PCDHA4: variants seen among roughly 807,000 people sequenced by gnomAD.
The protein encoded by PCDHA4 is protocadherin alpha-4.
A neutral mutation model predicts 61.4 loss-of-function variants in PCDHA4; 49 were observed. The ratio of observed to expected loss-of-function variants is 0.80; its 90% CI spans 0.63 to 1.01. The LOEUF (loss-of-function observed/expected upper bound fraction) is 1.01. Ranked by LOEUF, PCDHA4 falls within the 50% of genes least tolerant of loss-of-function variation. The pLI is 0.00. For synonymous variants in PCDHA4, 590 were observed against 550.3 expected, an observed-to-expected ratio of 1.07 and a Z score of -1.01; for missense variants, 1,254 against 1,235.8, an observed-to-expected ratio of 1.01 and a Z score of -0.22.
At chr5:140,847,029 A>T (rs1780820329) in intron 1 of PCDHA4, among the ~76,000 whole-genome samples, 1 of 149,824 alleles carries the variant, frequency 6.7e-6, no homozygotes, top group African/African-American at 2.4e-5. Context: ...TTGGAAAGAG[A>T]AAACATAAGG....
intron 1 of PCDHA4, chr5:140,870,875 C>A (rs1235290760): frequency 6.2e-7 from 1 of 1,613,912 alleles, no homozygotes; most frequent in Non-Finnish European, 8.5e-7. Flanking sequence ...CACGTGGTGG[C>A]GAAGGTGCGC....
chr5:140,910,257 A>G (rs1428252762), intron 1 of PCDHA4, among the ~76,000 whole-genome samples: 1 of 152,202 alleles, frequency 6.6e-6, no homozygotes, highest in East Asian at 1.9e-4. Flanking sequence ...TAGGCTTCCT[A>G]TCATTTTCAC....
intron 1 of PCDHA4, chr5:140,968,679 A>T: frequency 6.2e-7 from 1 of 1,614,176 alleles, no homozygotes; most frequent in South Asian, 1.1e-5. Flanking sequence ...GTAGAGCTGC[A>T]CACAGGAGAA....
At chr5:140,905,950 T>C (rs2072233262) in intron 1 of PCDHA4, among the ~76,000 whole-genome samples, 1 of 152,206 alleles carries the variant, frequency 6.6e-6, no homozygotes, top group Non-Finnish European at 1.5e-5. Flanking sequence ...TGGAATCCGA[T>C]GTTCAAGGGG....
chr5:140,856,327 G>C, intron 1 of PCDHA4: 1 of 1,598,708 alleles, frequency 6.3e-7, no homozygotes, highest in Non-Finnish European at 8.6e-7. Flanking sequence ...ACCGCGAGGA[G>C]CTGTGCGGGC....
intron 3 of PCDHA4, among the ~76,000 whole-genome samples, chr5:141,005,701 CAAAA>C (rs59860837): frequency 2.6e-4 from 2 of 7,790 alleles, no homozygotes; most frequent in African/African-American, 4.7e-4. Flanking sequence ...AACTCCGTCT[CAAAA>C]AAAAAAAAAA....
chr5:140,998,987 G>A (rs1381033392), intron 3 of PCDHA4, among the ~76,000 whole-genome samples: 1 of 152,234 alleles, frequency 6.6e-6, no homozygotes. Context: ...ATAGTAGAAA[G>A]CAGAATGCTG....
chr5:140,860,639 G>A (rs2046488038), intron 1 of PCDHA4: 1 of 152,224 alleles, frequency 6.6e-6, no homozygotes, highest in Non-Finnish European at 1.5e-5. Flanking sequence ...AATCAGGAAC[G>A]AAGAAGATAA....
intron 1 of PCDHA4, among the ~76,000 whole-genome samples, chr5:140,899,690 C>T (rs1340913543): frequency 6.6e-6 from 1 of 152,156 alleles, no homozygotes; most frequent in Non-Finnish European, 1.5e-5. Flanking sequence ...TGATGCTGGC[C>T]TCATAAAATG....
chr5:140,906,238 C>T (rs1309828775), intron 1 of PCDHA4, among the ~76,000 whole-genome samples: 2 of 152,186 alleles, frequency 1.3e-5, no homozygotes, highest in Non-Finnish European at 2.9e-5. Flanking sequence ...CCCTTGTCAA[C>T]TTGAACCCAT....
intron 1 of PCDHA4, among the ~76,000 whole-genome samples, chr5:140,948,814 A>G (rs1284322137): frequency 1.3e-5 from 2 of 151,134 alleles, no homozygotes; most frequent in African/African-American, 4.8e-5. Context: ...TTTGGTTTCT[A>G]TTTCATTAAT....
At chr5:140,830,182 C>A (rs2150182524) in intron 1 of PCDHA4, 1 of 1,613,656 alleles carries the variant, frequency 6.2e-7, no homozygotes. Context: ...TGGATGTCAA[C>A]GTGTACCTGA....
intron 1 of PCDHA4, chr5:140,828,513 T>C (rs1769799760): frequency 1.2e-6 from 2 of 1,614,200 alleles, no homozygotes; most frequent in Non-Finnish European, 1.7e-6. Flanking sequence ...CAAAGAGTGC[T>C]GATTTACGAA....
At chr5:140,969,388 A>C in intron 1 of PCDHA4, 2 of 1,595,066 alleles carry the variant, frequency 1.3e-6, no homozygotes, top group Non-Finnish European at 1.7e-6. Context: ...CACATCCCCC[A>C]ATATCCTGTG....
At chr5:140,882,802 C>T (rs782615396) in intron 1 of PCDHA4, 21 of 1,614,206 alleles carry the variant, frequency 1.3e-5, no homozygotes, top group Non-Finnish European at 1.5e-5. Context: ...ACGATTATTT[C>T]ACTTTGGACG....
chr5:140,987,155 A>G (rs2097233368), intron 3 of PCDHA4, among the ~76,000 whole-genome samples: 1 of 151,902 alleles, frequency 6.6e-6, no homozygotes, highest in South Asian at 2.1e-4. Context: ...TGGAGGTTGC[A>G]GTGAGCTGAG....
chr5:140,883,352 G>T (rs1554177776), intron 1 of PCDHA4: 1 of 1,614,164 alleles, frequency 6.2e-7, no homozygotes, highest in South Asian at 1.1e-5. Flanking sequence ...CATCAGAGAA[G>T]ACACTCAGCC....
At chr5:140,875,684 A>T (rs1236163720) in intron 1 of PCDHA4, 1 of 1,613,854 alleles carries the variant, frequency 6.2e-7, no homozygotes, top group Non-Finnish European at 8.5e-7. Flanking sequence ...TCCAAAAGAC[A>T]CGGGGACCTT....
chr5:140,847,163 A>G (rs1242348309), intron 1 of PCDHA4, among the ~76,000 whole-genome samples: 1 of 149,646 alleles, frequency 6.7e-6, no homozygotes, highest in Non-Finnish European at 1.5e-5. Flanking sequence ...TTTCTGAGTA[A>G]TAAACTAAAG....
Sources: gnomAD v4.1 joint callset for allele counts (sites outside exome capture counted in the v4.1 genomes callset) on GRCh38, gnomAD v4.1.1 for gene constraint, MANE v1.5 for transcripts, NCBI Gene and HGNC (gene_info 2026-07-23, HGNC 2026-07-21) for gene names.